FAM168A: variants seen among roughly 807,000 people sequenced by gnomAD.
The protein encoded by FAM168A is family with sequence similarity 168 member A.
A neutral mutation model predicts 28.5 loss-of-function variants in FAM168A; 3 were observed. That is an observed-to-expected ratio of 0.11 (90% CI 0.05 to 0.27). The LOEUF (loss-of-function observed/expected upper bound fraction) is 0.27. Ranked by LOEUF, FAM168A falls within the 10% of genes least tolerant of loss-of-function variation. The pLI is 1.00. For synonymous variants in FAM168A, 122 were observed against 124.2 expected (o/e 0.98, Z 0.12); for missense variants, 222 against 311.5 (o/e 0.71, Z 2.16).
intron 5 of FAM168A, chr11:73,410,359 G>A (rs1375511863): frequency 6.6e-6 from 1 of 151,430 alleles, no homozygotes; most frequent in Non-Finnish European, 1.5e-5. Flanking sequence ...AGTGAGCTGA[G>A]ATCACGCCAC....
intron 1 of FAM168A, among the ~76,000 whole-genome samples, chr11:73,499,515 G>A (rs899546670): frequency 1.3e-5 from 2 of 152,188 alleles, no homozygotes; most frequent in Admixed American, 6.5e-5. Flanking sequence ...GGACTGGACA[G>A]AGGATCAGAT....
At chr11:73,422,426 C>A (rs772008892) in intron 3 of FAM168A, among the ~76,000 whole-genome samples, 2 of 152,110 alleles carry the variant, frequency 1.3e-5, no homozygotes, top group African/African-American at 4.8e-5. Context: ...GAAAACACAT[C>A]AAAAAAACAA....
chr11:73,411,030 G>T (rs1866600285), intron 5 of FAM168A, among the ~76,000 whole-genome samples: 1 of 152,224 alleles, frequency 6.6e-6, no homozygotes, highest in Non-Finnish European at 1.5e-5. Context: ...AGACGTTGGG[G>T]TCTCACCTTG....
chr11:73,551,010 C>T (rs1943821402), intron 1 of FAM168A, among the ~76,000 whole-genome samples: 2 of 151,586 alleles, frequency 1.3e-5, no homozygotes, highest in South Asian at 2.1e-4. Flanking sequence ...ACTGGGGAGG[C>T]TGAGGCGGAA....
intron 1 of FAM168A, among the ~76,000 whole-genome samples, chr11:73,564,642 C>A (rs1943999015): frequency 6.7e-6 from 1 of 149,614 alleles, no homozygotes; most frequent in Non-Finnish European, 1.5e-5. Flanking sequence ...ACTCAGGAGG[C>A]TGAGGCAGGA....
chr11:73,538,244 T>G (rs903539903), intron 1 of FAM168A, among the ~76,000 whole-genome samples: 4 of 150,896 alleles, frequency 2.7e-5, no homozygotes, highest in African/African-American at 9.8e-5. Flanking sequence ...ACTAAGCCAC[T>G]CACTGAACAA....
intron 1 of FAM168A, among the ~76,000 whole-genome samples, chr11:73,578,235 T>C (rs1249502755): frequency 2.0e-5 from 3 of 152,144 alleles, no homozygotes; most frequent in African/African-American, 7.2e-5. Flanking sequence ...CTGACCATTG[T>C]TTAATCTATA....
At chr11:73,539,133 A>G (rs1033609078) in intron 1 of FAM168A, among the ~76,000 whole-genome samples, 5 of 152,186 alleles carry the variant, frequency 3.3e-5, no homozygotes, top group Non-Finnish European at 7.3e-5. Flanking sequence ...CCCTTCCCCT[A>G]TCTGGGTCTT....
chr11:73,418,772 T>C (rs1449058075), intron 4 of FAM168A, among the ~76,000 whole-genome samples: 1 of 152,114 alleles, frequency 6.6e-6, no homozygotes, highest in Admixed American at 6.5e-5. Context: ...CACAAAGTTC[T>C]TCCTTATATG....
chr11:73,440,050 T>C (rs1867166531), intron 2 of FAM168A, among the ~76,000 whole-genome samples: 1 of 151,998 alleles, frequency 6.6e-6, no homozygotes, highest in Admixed American at 6.6e-5. Context: ...CGCGCCCAGC[T>C]AATTTTTGTA....
intron 1 of FAM168A, among the ~76,000 whole-genome samples, chr11:73,551,747 T>C (rs185724656): frequency 1.3e-5 from 2 of 152,364 alleles, no homozygotes; most frequent in East Asian, 3.9e-4. Context: ...AGGTTGCAAA[T>C]TGACATTTTT....
chr11:73,487,853 A>T (rs755870349), intron 1 of FAM168A, among the ~76,000 whole-genome samples: 1 of 152,086 alleles, frequency 6.6e-6, no homozygotes, highest in Non-Finnish European at 1.5e-5. Flanking sequence ...TACTAATTCT[A>T]CCTATATTTC....
intron 2 of FAM168A, among the ~76,000 whole-genome samples, chr11:73,431,703 A>G (rs1866997466): frequency 6.6e-6 from 1 of 152,148 alleles, no homozygotes; most frequent in Non-Finnish European, 1.5e-5. Flanking sequence ...GTTTACACAA[A>G]CCAGCTCCAG....
chr11:73,471,270 C>T (rs901391056), intron 1 of FAM168A, among the ~76,000 whole-genome samples: 1 of 152,082 alleles, frequency 6.6e-6, no homozygotes, highest in South Asian at 2.1e-4. Flanking sequence ...TGCCACATAC[C>T]ATGATGGGAT....
chr11:73,411,678 G>A (rs2134482462), intron 4 of FAM168A, 142 bp from the exon 5 acceptor site: 2 of 901,468 alleles, frequency 2.2e-6, no homozygotes, highest in East Asian at 5.2e-5. Flanking sequence ...CAGAGAACAG[G>A]GCTCCACCCA....
At chr11:73,581,164 A>C (rs1590748528) in intron 1 of FAM168A, among the ~76,000 whole-genome samples, 1 of 152,240 alleles carries the variant, frequency 6.6e-6, no homozygotes, top group African/African-American at 2.4e-5. Context: ...GCATCAGATG[A>C]AGACTTCATT....
At chr11:73,587,082 G>GTCATTTTA (rs961398603) in intron 1 of FAM168A, among the ~76,000 whole-genome samples, 2 of 141,430 alleles carry the variant, frequency 1.4e-5, no homozygotes, top group Admixed American at 1.5e-4. Flanking sequence ...ATAAAAATAC[G>GTCATTTTA]TCATTTTATA....
At chr11:73,488,024 T>C (rs1868076662) in intron 1 of FAM168A, among the ~76,000 whole-genome samples, 1 of 152,166 alleles carries the variant, frequency 6.6e-6, no homozygotes, top group Non-Finnish European at 1.5e-5. Flanking sequence ...CACCGTCTAC[T>C]CTCTGCCAAC....
chr11:73,537,298 C>T lies in FAM168A; in HGVS notation c.-19+60625G>A, dbSNP rs1943594929. Among the ~76,000 whole-genome samples the T allele has an allele frequency of 3.3e-5, 5 of 152,192 alleles. No individual in the cohort carries two copies. In the South Asian group the frequency reaches 1.0e-3, roughly 31 times the overall value. ...TTTGTAGGCCAGGCATGGTGGCTCA[C>T]ACCTGTAATCTTAGCAATTTGGGAG... is the stretch of plus-strand genomic sequence containing the variant. On this transcript the variant is annotated intron_variant, in intron 1 of 7. Coordinates refer to ENST00000356467, the MANE Select transcript of FAM168A (RefSeq NM_015159.3).
Sources: allele counts gnomAD v4.1 joint callset (sites outside exome capture counted in the v4.1 genomes callset), GRCh38; gene constraint gnomAD v4.1.1; transcripts MANE v1.5; gene names NCBI Gene and HGNC (gene_info 2026-07-23, HGNC 2026-07-21).